SHROOM3: variants seen among roughly 807,000 people sequenced by gnomAD.
The protein encoded by SHROOM3 is protein Shroom3.
A neutral mutation model predicts 138.6 loss-of-function variants in SHROOM3; 47 were observed. The observed-to-expected ratio is 0.34, with a 90% CI of 0.27 to 0.43. The LOEUF is 0.43. Ranked by LOEUF, SHROOM3 falls within the 20% of genes least tolerant of loss-of-function variation. SHROOM3 has a pLI of 1.00. For missense variants in SHROOM3, 2,491 were observed against 2,596.5 expected (o/e 0.96, Z 0.88); for synonymous variants, 1,062 against 1,063.3 (o/e 1.00, Z 0.02).
chr4:76,731,087 G>C, intron 4 of SHROOM3, 152 bp downstream of exon 4: 1 of 1,048,326 alleles, frequency 9.5e-7, no homozygotes, highest in East Asian at 2.6e-5. Context: ...TCCTCTTATA[G>C]TGCTTGACGT....
chr4:76,598,127 G>C (rs1413648479), intron 2 of SHROOM3, among the ~76,000 whole-genome samples: 4 of 151,404 alleles, frequency 2.6e-5, no homozygotes, highest in African/African-American at 7.3e-5. Flanking sequence ...CTGGGTTCAT[G>C]GGCATTCTCC....
intron 1 of SHROOM3, among the ~76,000 whole-genome samples, chr4:76,447,822 G>C (rs1483254972): frequency 6.6e-6 from 1 of 152,010 alleles, no homozygotes; most frequent in Non-Finnish European, 1.5e-5. Flanking sequence ...TCAGTTGTTG[G>C]CACTCCCTTG....
chr4:76,483,693 C>T (rs1000574718), intron 1 of SHROOM3, among the ~76,000 whole-genome samples: 9 of 152,108 alleles, frequency 5.9e-5, no homozygotes, highest in South Asian at 4.1e-4. Context: ...CACACGCACA[C>T]GTATGTTTAT....
chr4:76,774,710 T>G (rs760626638), intron 10 of SHROOM3, among the ~76,000 whole-genome samples: 26 of 87,686 alleles, frequency 3.0e-4, no homozygotes, highest in South Asian at 8.4e-4. Flanking sequence ...TTTTTTGGGG[T>G]TTTTTTTTTG....
At chr4:76,533,140 T>C (rs904640796) in intron 1 of SHROOM3, among the ~76,000 whole-genome samples, 1 of 152,194 alleles carries the variant, frequency 6.6e-6, no homozygotes, top group African/African-American at 2.4e-5. Flanking sequence ...TTTTGGACCA[T>C]GGTTGACTGA....
intron 1 of SHROOM3, among the ~76,000 whole-genome samples, chr4:76,553,289 T>G (rs1278451149): frequency 6.6e-6 from 1 of 152,096 alleles, no homozygotes; most frequent in Non-Finnish European, 1.5e-5. Context: ...TTATTTATTT[T>G]TTTTGAGACG....
chr4:76,468,591 G>C (rs962899622), intron 1 of SHROOM3, among the ~76,000 whole-genome samples: 2 of 150,730 alleles, frequency 1.3e-5, no homozygotes, highest in African/African-American at 4.9e-5. Flanking sequence ...AGCCAAAATT[G>C]TATTATATAT....
At chr4:76,654,501 A>AT (rs1021015839) in intron 2 of SHROOM3, among the ~76,000 whole-genome samples, 29 of 151,682 alleles carry the variant, frequency 1.9e-4, no homozygotes, top group African/African-American at 4.1e-4. Context: ...TAATTTTTGT[A>AT]TTTTTTTTGT....
At chr4:76,688,630 T>C (rs1719407643) in intron 2 of SHROOM3, 3 of 985,442 alleles carry the variant, frequency 3.0e-6, no homozygotes, top group Non-Finnish European at 3.6e-6. Context: ...TGGAAGAACC[T>C]TTGAAGAAAG....
chr4:76,551,185 A>T (rs1165062036), intron 1 of SHROOM3, among the ~76,000 whole-genome samples: 1 of 151,988 alleles, frequency 6.6e-6, no homozygotes, highest in Non-Finnish European at 1.5e-5. Context: ...CTAAAAGTGC[A>T]GTGCAAAACG....
chr4:76,689,625 G>T (rs1002074175), intron 2 of SHROOM3: 2 of 985,208 alleles, frequency 2.0e-6, no homozygotes, highest in Non-Finnish European at 1.2e-6. Context: ...TCCTCGGAGC[G>T]GCGGCGAAGT....
At chr4:76,445,894 A>T (rs58341412) in intron 1 of SHROOM3, among the ~76,000 whole-genome samples, 1 of 152,182 alleles carries the variant, frequency 6.6e-6, no homozygotes. Context: ...CCAAAAGACA[A>T]CTGTTAACCA....
intron 2 of SHROOM3, among the ~76,000 whole-genome samples, chr4:76,603,048 C>T (rs1237900873): frequency 6.6e-6 from 1 of 152,152 alleles, no homozygotes; most frequent in Non-Finnish European, 1.5e-5. Context: ...AGACCCATTG[C>T]AGCTTTCCCA....
intron 2 of SHROOM3, among the ~76,000 whole-genome samples, chr4:76,697,523 C>A (rs1251284824): frequency 1.3e-5 from 2 of 152,058 alleles, no homozygotes; most frequent in African/African-American, 4.8e-5. Flanking sequence ...TTAAGTGATG[C>A]GATTGTGGGA....
intron 2 of SHROOM3, among the ~76,000 whole-genome samples, chr4:76,627,545 T>G (rs1735181825): frequency 6.6e-6 from 1 of 152,200 alleles, no homozygotes; most frequent in Admixed American, 6.5e-5. Flanking sequence ...ATGCCTATTT[T>G]AAGCTCTCTG....
At chr4:76,477,531 T>C (rs1367195437) in intron 1 of SHROOM3, among the ~76,000 whole-genome samples, 3 of 148,542 alleles carry the variant, frequency 2.0e-5, no homozygotes, top group Non-Finnish European at 4.4e-5. Flanking sequence ...ATTCTCATGA[T>C]TTTTTATCAT....
chr4:76,500,255 G>A (rs181093054), intron 1 of SHROOM3, among the ~76,000 whole-genome samples: 38 of 152,180 alleles, frequency 2.5e-4, no homozygotes, highest in Admixed American at 1.9e-3. Flanking sequence ...CTGGTTTCCC[G>A]TCATAATAAT....
Position 76,741,260 on chromosome 4 carries a change from G to T in SHROOM3, c.3087G>T (p.Val1029=), listed in dbSNP as rs759383187. Residue 1029 remains valine, a synonymous_variant, in exon 5 of 11, where the codon GTG becomes GTT. Coordinates refer to ENST00000296043, the MANE Select transcript of SHROOM3 (RefSeq NM_020859.4). This position sits in a 1 kb window ranked among gnomAD's most constrained non-coding sequence, Gnocchi z 6.2. The part of the protein sequence containing the change: ...SYSEPEKMNE[V]GIVEEAEPAP... The stretch of plus-strand genomic sequence containing the variant: ...CGGAGCCCGAGAAGATGAACGAGGT[G>T]GGGATCGTGGAGGAGGCCGAACCGG... The T allele has an allele frequency of 6.2e-7, 1 of 1,611,970 alleles. No individual in the cohort carries two copies. The highest frequency in any genetic ancestry group is 2.2e-5 in the East Asian group (1 of 44,826).
At chr4:76,733,998 A>C (rs1720957432) in intron 4 of SHROOM3, among the ~76,000 whole-genome samples, 2 of 152,126 alleles carry the variant, frequency 1.3e-5, no homozygotes, top group African/African-American at 2.4e-5. Context: ...TAAAGTACTA[A>C]AGTACTTTAG....
Sources: gnomAD v4.1 joint callset for allele counts (sites outside exome capture counted in the v4.1 genomes callset) on GRCh38, gnomAD v4.1.1 for gene constraint, Gnocchi (gnomAD v3.1) non-coding constraint, MANE v1.5 for transcripts, NCBI Gene and HGNC (gene_info 2026-07-23, HGNC 2026-07-21) for gene names.